The following ZNF536 variants were observed in gnomAD, a reference collection of about 807,000 sequenced individuals.
The protein encoded by ZNF536 is zinc finger protein 536.
ZNF536 carries 13 observed loss-of-function variants against 84.5 expected under a neutral mutation model. That is an observed-to-expected ratio of 0.15 (90% CI 0.10 to 0.24). The LOEUF (loss-of-function observed/expected upper bound fraction) is 0.24. Ranked by LOEUF, ZNF536 falls within the 10% of genes least tolerant of loss-of-function variation. The pLI is 1.00. For synonymous variants in ZNF536, 811 were observed against 742.5 expected (o/e 1.09, Z -1.50); for missense variants, 1,536 against 1,747.5 (o/e 0.88, Z 2.16).
At chr19:30,340,273 G>A (rs1289059278) in intron 2 of ZNF536, among the ~76,000 whole-genome samples, 3 of 152,200 alleles carry the variant, frequency 2.0e-5, no homozygotes, top group Non-Finnish European at 2.9e-5. Flanking sequence ...TGGTCACACT[G>A]GCTGTCATTC....
At chr19:30,561,885 C>G (rs1174610365), downstream of ZNF536, among the ~76,000 whole-genome samples, 2 of 152,172 alleles carry the variant, frequency 1.3e-5, no homozygotes, top group Non-Finnish European at 2.9e-5. Flanking sequence ...GAGGAACCAA[C>G]AGTATCTGCT....
intron 1 of ZNF536, among the ~76,000 whole-genome samples, chr19:30,231,854 G>A (rs1401839693): frequency 2.0e-5 from 3 of 152,066 alleles, no homozygotes; most frequent in Non-Finnish European, 4.4e-5. Flanking sequence ...GAAGGGTGCT[G>A]CCTGTTAGAA....
chr19:30,580,766 C>T (rs188695624), intron 1 of ZNF536, among the ~76,000 whole-genome samples: 4 of 152,266 alleles, frequency 2.6e-5, no homozygotes, highest in East Asian at 1.9e-4. Context: ...CCTTTGGGCC[C>T]GTTTCTCACC....
At chr19:30,410,602 G>A (rs1014919909) in intron 1 of ZNF536, among the ~76,000 whole-genome samples, 6 of 151,428 alleles carry the variant, frequency 4.0e-5, no homozygotes, top group South Asian at 2.1e-4. Context: ...AGCCTCCCGC[G>A]TAGCTGGGAC....
intron 1 of ZNF536, among the ~76,000 whole-genome samples, chr19:30,574,800 T>C (rs2046672768): frequency 6.6e-6 from 1 of 152,270 alleles, no homozygotes; most frequent in African/African-American, 2.4e-5. Context: ...GTATTTGTTA[T>C]AAAATAAAAC....
intron 1 of ZNF536, among the ~76,000 whole-genome samples, chr19:30,590,826 T>C: frequency 6.6e-6 from 1 of 152,226 alleles, no homozygotes; most frequent in Admixed American, 6.5e-5. Flanking sequence ...TTCCCATTTA[T>C]AAAACAAAGC....
In ZNF536 at chr19:30,445,444, G is replaced by A. The variant is rs1194695743; in HGVS notation, c.1882G>A (p.Glu628Lys). 6.2e-7 allele frequency: 1 copy of A among 1,614,116 alleles called. No homozygotes were observed. Among genetic ancestry groups the A allele is most frequent in the Admixed American group, 1.7e-5 (1 of 60,026 alleles). The change falls in exon 2 of 5, where the codon GAG becomes AAG. Residue 628 changes from glutamate to lysine, a missense_variant. By Grantham distance (56) the Glu-to-Lys change is moderately conservative (BLOSUM62 1). This residue lies in a region of ZNF536 where 366 missense variants were observed against 364.4 expected (regional missense o/e 1.00). Transcript: ENST00000355537. This position sits in a 1 kb window ranked among gnomAD's most constrained non-coding sequence, Gnocchi z 4.5. ...CCTGCAGGGTCCTGGGAACATGAAG[G>A]AGAAGCCCACCGAGTGCCCCGACTG... The part of the protein sequence containing the change: ...YNLQGPGNMK[E>K]KPTECPDCGR...
At position 30,444,903 on chromosome 19, in the gene ZNF536, C is replaced by G. The variant is rs925638683; in HGVS notation, c.1341C>G (p.Ser447Arg). The G allele has an allele frequency of 6.2e-7, 1 of 1,610,562 alleles. No homozygotes were observed. Among genetic ancestry groups the G allele is most frequent in the Non-Finnish European group, 8.5e-7 (1 of 1,178,482 alleles). ...GFMTPDKAGL[S>R]EPSQLYGKGE... The stretch of plus-strand genomic sequence containing the variant: ...TGACCCCGGACAAAGCCGGCCTGAG[C>G]GAGCCCAGCCAGCTCTATGGCAAGG... Residue 447 changes from serine (S) to arginine (R), a missense_variant, in exon 2 of 5, where the codon AGC becomes AGG. Around this residue, in one of 8 missense-constraint regions of ZNF536, gnomAD observed 366 missense variants for 364.4 expected, o/e 1.00. Coordinates refer to ENST00000355537, the MANE Select transcript of ZNF536 (RefSeq NM_014717.3).
Position 30,573,849 on chromosome 19 carries a change from C to T in ZNF536, c.169+24335C>T, listed in dbSNP as rs552510130. 2.8e-4 allele frequency among the ~76,000 whole-genome samples: 42 copies of T among 152,278 alleles called. 2 individuals are homozygous for T. The South Asian group carries it at 7.9e-3, about 29-fold the overall frequency. On this transcript the variant is annotated intron_variant, in intron 1 of 1. Transcript: ENST00000592773. ...CCATGAAGTTTCACTCCATGCTGAC[C>T]GTGACCAGCAGGGGTTCAGCCCCTC...
intron 1 of ZNF536, among the ~76,000 whole-genome samples, chr19:30,241,986 C>A (rs2023970747): frequency 6.6e-6 from 1 of 152,028 alleles, no homozygotes; most frequent in Non-Finnish European, 1.5e-5. Flanking sequence ...TTGGAAAGAT[C>A]TTGGTGGCGC....
At chr19:30,553,757 G>T (rs943423591) in intron 4 of ZNF536, among the ~76,000 whole-genome samples, 1 of 152,198 alleles carries the variant, frequency 6.6e-6, no homozygotes, top group African/African-American at 2.4e-5. Flanking sequence ...ATAAGCCCAG[G>T]AGTTCAAGGC....
At chr19:30,261,988 G>C (rs1013053205) in intron 1 of ZNF536, among the ~76,000 whole-genome samples, 1 of 152,120 alleles carries the variant, frequency 6.6e-6, no homozygotes, top group African/African-American at 2.4e-5. Context: ...GGCTGCTGGT[G>C]GGTGCACTTC....
intron 3 of ZNF536, among the ~76,000 whole-genome samples, chr19:30,536,960 C>T (rs1006409591): frequency 5.9e-5 from 9 of 152,300 alleles, no homozygotes; most frequent in South Asian, 2.1e-4. Context: ...GTGGACCCCC[C>T]GCCCCACCAG....
At chr19:30,646,971 C>A (rs1046219229) in intron 1 of ZNF536, among the ~76,000 whole-genome samples, 5 of 152,138 alleles carry the variant, frequency 3.3e-5, no homozygotes, top group African/African-American at 4.8e-5. Flanking sequence ...TTGGTCCAGA[C>A]AATTCTTCAT....
intron 1 of ZNF536, among the ~76,000 whole-genome samples, chr19:30,281,576 G>A (rs1223699947): frequency 2.6e-5 from 4 of 151,892 alleles, no homozygotes; most frequent in Non-Finnish European, 5.9e-5. Flanking sequence ...TGCACCACAG[G>A]TGCTGGGAAG....
At chr19:30,397,815 G>C (rs1360007485) in intron 1 of ZNF536, among the ~76,000 whole-genome samples, 1 of 152,184 alleles carries the variant, frequency 6.6e-6, no homozygotes, top group Non-Finnish European at 1.5e-5. Context: ...AAAGTAACCA[G>C]TGTTCAGAAA....
chr19:30,237,789 A>G (rs1482089871), intron 1 of ZNF536, among the ~76,000 whole-genome samples: 1 of 149,268 alleles, frequency 6.7e-6, no homozygotes, highest in African/African-American at 2.5e-5. Flanking sequence ...TTTTTTTTGC[A>G]TAATTTAACT....
intron 1 of ZNF536, among the ~76,000 whole-genome samples, chr19:30,594,450 G>A (rs2047379164): frequency 6.6e-6 from 1 of 152,190 alleles, no homozygotes; most frequent in Non-Finnish European, 1.5e-5. Context: ...TGCTCCCCGT[G>A]TGAAAGTGGT....
chr19:30,613,479 A>G (rs1047293162), intron 1 of ZNF536, among the ~76,000 whole-genome samples: 3 of 152,216 alleles, frequency 2.0e-5, no homozygotes, highest in Non-Finnish European at 4.4e-5. Context: ...TTGAAAAATC[A>G]GTGTAGATGC....
Sources: allele counts gnomAD v4.1 joint callset (sites outside exome capture counted in the v4.1 genomes callset), GRCh38; gene constraint gnomAD v4.1.1; regional missense constraint gnomAD v4.1.1; non-coding constraint Gnocchi (gnomAD v3.1); transcripts MANE v1.5; gene names NCBI Gene and HGNC (gene_info 2026-07-23, HGNC 2026-07-21).